TBX19: variants seen among roughly 807,000 people sequenced by gnomAD.
TBX19 encodes the protein T-box transcription factor TBX19.
TBX19 carries 33 observed loss-of-function variants against 40.9 expected under a neutral mutation model. The ratio of observed to expected loss-of-function variants is 0.81; its 90% CI spans 0.61 to 1.08. TBX19 has a LOEUF of 1.08. TBX19 is among the 50% of genes least tolerant of loss of function. The pLI is 0.00. For missense variants in TBX19, 494 were observed against 574.0 expected (o/e 0.86, Z 1.42); for synonymous variants, 220 against 225.0 (o/e 0.98, Z 0.20).
chr1:168,302,501 G>C (rs182835652), intron 5 of TBX19, among the ~76,000 whole-genome samples: 1 of 152,086 alleles, frequency 6.6e-6, no homozygotes, highest in Non-Finnish European at 1.5e-5. Flanking sequence ...GTCAGCGGGA[G>C]AACAAGCTTC....
At chr1:168,306,961 T>TA (rs776604329) in intron 6 of TBX19, among the ~76,000 whole-genome samples, 244 of 152,166 alleles carry the variant, frequency 1.6e-3, no homozygotes, top group Admixed American at 3.7e-3. Context: ...GAAAGATGAA[T>TA]AGAAAAGGAC....
intron 2 of TBX19, among the ~76,000 whole-genome samples, chr1:168,292,168 G>A (rs1216317520): frequency 2.6e-5 from 4 of 152,158 alleles, no homozygotes; most frequent in African/African-American, 4.8e-5. Context: ...CTGTGCCCAT[G>A]TGCCCCTTCT....
chr1:168,312,013 C>A (rs906803292), intron 7 of TBX19, among the ~76,000 whole-genome samples: 2 of 152,176 alleles, frequency 1.3e-5, no homozygotes, highest in Non-Finnish European at 2.9e-5. Context: ...TGCTACAGAA[C>A]TAGAGAAGGC....
chr1:168,305,110 A>T lies in TBX19; in HGVS notation c.830A>T (p.His277Leu), dbSNP rs1335117075. 6.2e-7 allele frequency: 1 copy of T among 1,614,122 alleles called. No individual in the cohort carries two copies. Among genetic ancestry groups the T allele is most frequent in the African/African-American group, 1.3e-5 (1 of 75,038 alleles). Residue 277 changes from histidine to leucine, a missense_variant, in exon 6 of 8, where the codon CAT (histidine) becomes CTT (leucine). This residue lies in a region of TBX19 where 284 missense variants were observed against 307.3 expected (regional missense o/e 0.92). Coordinates refer to ENST00000367821, the MANE Select transcript of TBX19 (RefSeq NM_005149.3). ...CCTCTGCCTGCTCCCCACACCCACCATGGCTGTGAGCACTATTCGGGTCTC... is the reference window on the plus strand; with the variant it reads ...CCTCTGCCTGCTCCCCACACCCACCTTGGCTGTGAGCACTATTCGGGTCTC... ...PLPLPAPHTHHGCEHYSGLRG... is the reference protein window; with the variant it reads ...PLPLPAPHTHLGCEHYSGLRG...
At chr1:168,303,274 G>T (rs573519394) in intron 5 of TBX19, among the ~76,000 whole-genome samples, 85 of 152,254 alleles carry the variant, frequency 5.6e-4, no homozygotes, top group African/African-American at 2.0e-3. Flanking sequence ...TCCCACCTAT[G>T]AGTGAGAACA....
At position 168,299,726 on chromosome 1, in the gene TBX19, C is replaced by T. The variant is rs558781827; in HGVS notation, c.666-696C>T. ...TGGCCTCAAGTGATCCTCCTGCCTC[C>T]GCCTCCTTAGTTGCTGAGATTGCAG... On this transcript the variant is annotated intron_variant, in intron 4 of 7. Coordinates refer to ENST00000367821, the MANE Select transcript of TBX19 (RefSeq NM_005149.3). 6.6e-5 allele frequency among the ~76,000 whole-genome samples: 10 copies of T among 152,244 alleles called. No individual in the cohort carries two copies. The South Asian group carries it at 1.2e-3, about 19-fold the overall frequency.
At position 168,306,585 on chromosome 1, in the gene TBX19, C is replaced by T. The variant is rs546373580; in HGVS notation, c.916+1389C>T. Among the ~76,000 whole-genome samples the T allele has an allele frequency of 1.2e-4, 17 of 137,548 alleles. No homozygotes were observed. In the South Asian group the frequency reaches 3.9e-3, roughly 31 times the overall value. The allele number at this position is 137,548 out of a possible 152,430, so 90.2% of individuals were successfully genotyped here. A position where few individuals can be genotyped will look rare whatever the true frequency, so the allele number is the denominator to read the frequency against. On this transcript the variant is annotated intron_variant, in intron 6 of 7. Coordinates refer to ENST00000367821, the MANE Select transcript of TBX19 (RefSeq NM_005149.3). ...AGGCTGCAGTGAGCCAAGATTGTGCCACTGCACTCTAGCCTGGGCAACAAG... is the reference window on the plus strand; with the variant it reads ...AGGCTGCAGTGAGCCAAGATTGTGCTACTGCACTCTAGCCTGGGCAACAAG...
At chr1:168,312,248 C>G (rs1309792097) in intron 7 of TBX19, among the ~76,000 whole-genome samples, 1 of 152,214 alleles carries the variant, frequency 6.6e-6, no homozygotes, top group Non-Finnish European at 1.5e-5. Context: ...ATTAAATAAT[C>G]TAGCCAAGGC....
intron 1 of TBX19, among the ~76,000 whole-genome samples, chr1:168,282,055 T>A (rs1364326798): frequency 6.6e-6 from 1 of 152,206 alleles, no homozygotes. Flanking sequence ...GACGCAAATA[T>A]TTTGAAACAA....
intron 2 of TBX19, among the ~76,000 whole-genome samples, chr1:168,291,709 C>T (rs1227772908): frequency 2.0e-5 from 3 of 152,072 alleles, no homozygotes; most frequent in African/African-American, 7.2e-5. Context: ...GTGCTTTTTA[C>T]CCAGCTCTAG....
intron 1 of TBX19, among the ~76,000 whole-genome samples, chr1:168,282,362 C>T (rs560778396): frequency 6.6e-6 from 1 of 152,136 alleles, no homozygotes; most frequent in African/African-American, 2.4e-5. Context: ...TATTTCTTGT[C>T]AATCTTGAAG....
intron 4 of TBX19, among the ~76,000 whole-genome samples, chr1:168,299,120 A>C (rs1459995689): frequency 6.6e-6 from 1 of 151,322 alleles, no homozygotes; most frequent in African/African-American, 2.4e-5. Flanking sequence ...GGGTTTTGCC[A>C]TGTTGGCCAG....
Position 168,293,137 on chromosome 1 carries a change from T to A in TBX19, c.469-7T>A, listed in dbSNP as rs372128484. 44 of 1,613,764 alleles carry A rather than the reference T, an allele frequency of 2.7e-5. No homozygotes were observed. In the Admixed American group the frequency reaches 3.7e-4, roughly 13 times the overall value. On this transcript the variant is annotated splice_region_variant and splice_polypyrimidine_tract_variant and intron_variant, in intron 2 of 7. Transcript: ENST00000367821. ...TTTCTCCTCTTTCTCTTCTCCTGCCTCGACAGATAATGTTGAATTCTCTGC... is the reference window on the plus strand; with the variant it reads ...TTTCTCCTCTTTCTCTTCTCCTGCCACGACAGATAATGTTGAATTCTCTGC...
At chr1:168,281,767 C>G (rs1462965915) in intron 1 of TBX19, among the ~76,000 whole-genome samples, 2 of 152,228 alleles carry the variant, frequency 1.3e-5, no homozygotes, top group African/African-American at 4.8e-5. Context: ...CAAATGTAAA[C>G]TCATTGCCTA....
At position 168,305,132 on chromosome 1, in the gene TBX19, TCTCCGAGGACACCGGCAGG is replaced by T; in HGVS notation, c.857_875del (p.Arg286ProfsTer15). On this transcript the variant is annotated frameshift_variant, in exon 6 of 8. Coordinates refer to ENST00000367821, the MANE Select transcript of TBX19 (RefSeq NM_005149.3). LOFTEE classifies it high-confidence loss of function. ...ACCATGGCTGTGAGCACTATTCGGGTCTCCGAGGACACCGGCAGGCTCCCTACCCTTCTGCGTACATGCA... is the reference window on the plus strand; with the variant it reads ...ACCATGGCTGTGAGCACTATTCGGGTCTCCCTACCCTTCTGCGTACATGCA... The T allele has an allele frequency of 6.2e-7, 1 of 1,613,940 alleles. No individual in the cohort carries two copies. The highest frequency in any genetic ancestry group is 8.5e-7 in the Non-Finnish European group (1 of 1,180,008).
rs375642999 is a variant in TBX19 at position 168,291,070 on chromosome 1, G to C, written c.204-90G>C. The C allele has an allele frequency of 5.7e-6, 9 of 1,577,770 alleles. No homozygotes were observed. In the South Asian group the frequency reaches 1.0e-4, roughly 18 times the overall value. On this transcript the variant is annotated intron_variant, in intron 1 of 7. Coordinates refer to ENST00000367821, the MANE Select transcript of TBX19 (RefSeq NM_005149.3). ...ATTTGGCCTCCTCACAGGGCATTCC[G>C]TGGAAGGTCTCAGTATTGAGAGGCC...
chr1:168,291,902 GA>G (rs966895184), intron 2 of TBX19, among the ~76,000 whole-genome samples: 7 of 150,806 alleles, frequency 4.6e-5, no homozygotes, highest in Admixed American at 2.0e-4. Context: ...GGTTTTTCAG[GA>G]AAAAAAAATC....
chr1:168,281,315 C>G (rs1482598594), intron 1 of TBX19, 22 bp downstream of exon 1: 1 of 1,611,960 alleles, frequency 6.2e-7, no homozygotes, highest in African/African-American at 1.3e-5. Context: ...TGCCGCCCCG[C>G]GTGGGCTGGC....
intron 3 of TBX19, among the ~76,000 whole-genome samples, chr1:168,296,978 G>A (rs1649126603): frequency 6.6e-6 from 1 of 152,160 alleles, no homozygotes. Context: ...CTAGATGCTG[G>A]AAATACTGCA....
Sources: gnomAD v4.1 joint callset for allele counts (sites outside exome capture counted in the v4.1 genomes callset) on GRCh38, gnomAD v4.1.1 for gene constraint, gnomAD v4.1.1 regional missense constraint, MANE v1.5 for transcripts, NCBI Gene and HGNC (gene_info 2026-07-23, HGNC 2026-07-21) for gene names.